DTX1: variants seen among roughly 807,000 people sequenced by gnomAD.
The protein encoded by DTX1 is E3 ubiquitin-protein ligase DTX1.
DTX1 carries 26 observed loss-of-function variants against 57.8 expected under a neutral mutation model. The ratio of observed to expected loss-of-function variants is 0.45; its 90% confidence interval spans 0.33 to 0.62. The LOEUF (loss-of-function observed/expected upper bound fraction) is 0.62, where lower values mean the gene tolerates loss of function less well. Among genes scored for constraint, DTX1 ranks in the 20% least tolerant of loss-of-function variants. The pLI is 0.02. For synonymous variants in DTX1, 398 were observed against 394.1 expected (o/e 1.01, Z -0.12); for missense variants, 704 against 895.3 (o/e 0.79, Z 2.73).
intron 9 of DTX1, 149 bp downstream of exon 9, chr12:113,095,563 C>G: frequency 1.1e-6 from 1 of 915,970 alleles, no homozygotes. Context: ...CCACAGCCAC[C>G]TCCTTCACAC....
chr12:113,094,265 CATTT>C lies in DTX1; in HGVS notation c.1227+169_1227+172del, dbSNP rs373819348. 2.9e-4 allele frequency among the ~76,000 whole-genome samples: 44 copies of C among 152,326 alleles called. No homozygotes were observed. In the East Asian group the frequency reaches 6.4e-3, roughly 22 times the overall value. ...GAAATACTTACGTTTAATAGACTCA[CATTT>C]ATCCATCTTTTGATGATTGAGTTTT... On this transcript the variant is annotated intron_variant, in intron 6 of 9. Transcript: ENST00000548759.
intron 3 of DTX1, among the ~76,000 whole-genome samples, chr12:113,090,904 G>A (rs901956687): frequency 2.0e-5 from 3 of 152,334 alleles, no homozygotes; most frequent in South Asian, 2.1e-4. Context: ...ATGTGTCCTC[G>A]TGTGCAGTGA....
At chr12:113,088,844 TG>T (rs557995227) in intron 3 of DTX1, among the ~76,000 whole-genome samples, 17 of 148,540 alleles carry the variant, frequency 1.1e-4, no homozygotes, top group African/African-American at 3.7e-4. Context: ...AAAGTTTTGT[TG>T]TTGTTGTTGT....
At chr12:113,094,169 C>G in intron 6 of DTX1, 70 bp downstream of exon 6, 1 of 1,409,080 alleles carries the variant, frequency 7.1e-7, no homozygotes. Flanking sequence ...ACCCCTCCTC[C>G]TGGGTTCTGG....
At chr12:113,070,147 C>T (rs2044729462) in intron 2 of DTX1, among the ~76,000 whole-genome samples, 1 of 152,172 alleles carries the variant, frequency 6.6e-6, no homozygotes, top group Non-Finnish European at 1.5e-5. Context: ...CAATAACACC[C>T]CCACCTCCTA....
At chr12:113,092,156 G>T (rs1385947050) in intron 3 of DTX1, among the ~76,000 whole-genome samples, 1 of 152,178 alleles carries the variant, frequency 6.6e-6, no homozygotes, top group Non-Finnish European at 1.5e-5. Flanking sequence ...AAGATGGAGA[G>T]AAGTTACACC....
rs1288626036 is a variant in DTX1, at chr12:113,057,626, C to G, written c.-567C>G. 1.9e-5 allele frequency: 3 copies of G among 154,536 alleles called. No individual in the cohort carries two copies. The highest frequency in any genetic ancestry group is 7.2e-5 in the African/African-American group (3 of 41,582). 9.6% of individuals were successfully genotyped at this position (154,536 alleles called of 1,614,324 possible). Reference sequence around the variant, plus strand: ...CTTCCAGGACACCGTGGAGAGGGAACAAGGGGGCAGGGACGCCCCCTTCGG... The same window carrying G: ...CTTCCAGGACACCGTGGAGAGGGAAGAAGGGGGCAGGGACGCCCCCTTCGG... On this transcript the variant is annotated 5_prime_UTR_variant, in exon 2 of 10. Coordinates refer to ENST00000548759, the MANE Select transcript of DTX1 (RefSeq NM_004416.3).
Position 113,058,010 on chromosome 12 carries a change from G to A in DTX1, c.-183G>A. The A allele has an allele frequency of 1.0e-6, 1 of 960,976 alleles. No homozygotes were observed. The highest frequency in any genetic ancestry group is 1.5e-6 in the Non-Finnish European group (1 of 668,716). The allele number at this position is 960,976 out of a possible 1,614,324, so 59.5% of individuals were successfully genotyped here. ...ACAGGGAAGGGGTCTTTGCAGCCTG[G>A]ATGGCCATCCCACATTCCTTTAACG... On this transcript the variant is annotated 5_prime_UTR_variant, in exon 2 of 10. Coordinates refer to ENST00000548759, the MANE Select transcript of DTX1 (RefSeq NM_004416.3).
At position 113,093,500 on chromosome 12, in the gene DTX1, A is replaced by G. The variant is rs1674095; in HGVS notation, c.1004-39A>G. 49 of 1,513,516 alleles carry G rather than the reference A, an allele frequency of 3.2e-5. No homozygotes were observed. The highest frequency in any genetic ancestry group is 1.2e-4 in the South Asian group (10 of 80,502). The allele number at this position is 1,513,516 out of a possible 1,614,324, so 93.8% of individuals were successfully genotyped here. A position where few individuals can be genotyped will look rare whatever the true frequency, so the allele number is the denominator to read the frequency against. ...CCAGTGGTCGGGGGTTTGGGCGGGG[A>G]TGGCGCCCCGCCCTGTGACTGCGCC... On this transcript the variant is annotated intron_variant, in intron 4 of 9. Transcript: ENST00000548759. The surrounding 1 kb of genome is among the most constrained non-coding windows in gnomAD (Gnocchi z 4.2).
At chr12:113,094,003 G>T in intron 5 of DTX1, 35 bp from the exon 6 acceptor site, 1 of 1,562,764 alleles carries the variant, frequency 6.4e-7, no homozygotes, top group Non-Finnish European at 8.7e-7. Context: ...ACAGACTCTG[G>T]GTACCCTCAA....
intron 2 of DTX1, among the ~76,000 whole-genome samples, chr12:113,073,210 T>A (rs918451086): frequency 6.6e-6 from 1 of 152,136 alleles, no homozygotes; most frequent in Admixed American, 6.5e-5. Context: ...TTCAGGCACA[T>A]CAGCCTTGAA....
chr12:113,079,855 G>A (rs192566979), intron 3 of DTX1, among the ~76,000 whole-genome samples: 2 of 151,992 alleles, frequency 1.3e-5, no homozygotes, highest in East Asian at 1.9e-4. Context: ...CACCATGCCC[G>A]GCCCCCTTCT....
In DTX1 at chr12:113,077,472, C is replaced by T. The variant is rs2136058936; in HGVS notation, c.308C>T (p.Pro103Leu). Residue 103 changes from proline to leucine, a missense_variant, in exon 3 of 10, where the codon CCG (proline) becomes CTG (leucine). Pro to Leu is a moderately conservative substitution (Grantham distance 98, BLOSUM62 -3). Around this residue, in one of 3 missense-constraint regions of DTX1, gnomAD observed 237 missense variants for 328.6 expected, o/e 0.72. Coordinates refer to ENST00000548759, the MANE Select transcript of DTX1 (RefSeq NM_004416.3). This position sits in a 1 kb window ranked among gnomAD's most constrained non-coding sequence, Gnocchi z 7.8. Reference protein sequence around the residue: ...RRNFYDPSSAPGKGIVWEWEN... With the variant: ...RRNFYDPSSALGKGIVWEWEN... Reference sequence around the variant, plus strand: ...AACTTCTACGACCCGTCGTCGGCGCCGGGCAAGGGCATCGTGTGGGAGTGG... The same window carrying T: ...AACTTCTACGACCCGTCGTCGGCGCTGGGCAAGGGCATCGTGTGGGAGTGG... The T allele has an allele frequency of 6.2e-7, 1 of 1,612,494 alleles. No individual in the cohort carries two copies. Among genetic ancestry groups the T allele is most frequent in the Non-Finnish European group, 8.5e-7 (1 of 1,179,824 alleles).
intron 2 of DTX1, among the ~76,000 whole-genome samples, chr12:113,066,021 G>GCCAGTCCCCAGGACAGCT (rs2044701293): frequency 6.6e-6 from 1 of 152,174 alleles, no homozygotes; most frequent in Admixed American, 6.5e-5. Flanking sequence ...ACCGGTGGTA[G>GCCAGTCCCCAGGACAGCT]CCAGTCCCCA....
chr12:113,083,335 C>CT lies in DTX1; in HGVS notation c.941+5240dup, dbSNP rs568195887. 4.1e-4 allele frequency among the ~76,000 whole-genome samples: 62 copies of CT among 149,910 alleles called. 1 individual carries two copies. Among genetic ancestry groups the CT allele is most frequent in the Non-Finnish European group, 4.0e-4 (27 of 67,220 alleles). On this transcript the variant is annotated intron_variant, in intron 3 of 9. Coordinates refer to ENST00000548759, the MANE Select transcript of DTX1 (RefSeq NM_004416.3). ...TCTCTCCTTTTATAATTTACCAATACTTTTTTTTTTGAGACCGTCTTGCTC... is the reference window on the plus strand; with the variant it reads ...TCTCTCCTTTTATAATTTACCAATACTTTTTTTTTTTGAGACCGTCTTGCTC...
chr12:113,063,211 TG>T (rs1466455946), intron 2 of DTX1, among the ~76,000 whole-genome samples: 1 of 152,212 alleles, frequency 6.6e-6, no homozygotes, highest in Admixed American at 6.5e-5. Context: ...GTGGCTGGGC[TG>T]GGCCCAGGAG....
chr12:113,080,773 C>CAAG (rs1392572373), intron 3 of DTX1, among the ~76,000 whole-genome samples: 10 of 151,998 alleles, frequency 6.6e-5, no homozygotes, highest in Non-Finnish European at 1.0e-4. Flanking sequence ...TCCAGGAGTT[C>CAAG]AAGACTAGCC....
At chr12:113,073,391 A>G (rs939129610) in intron 2 of DTX1, among the ~76,000 whole-genome samples, 7 of 152,206 alleles carry the variant, frequency 4.6e-5, no homozygotes, top group African/African-American at 1.7e-4. Context: ...ATCAATCTGC[A>G]CACACTCAAT....
rs1169161565 is a variant in DTX1 at position 113,093,678 on chromosome 12, CAAG to C, written c.1150_1152del (p.Lys384del). On this transcript the variant is annotated inframe_deletion, in exon 5 of 10. Coordinates refer to ENST00000548759, the MANE Select transcript of DTX1 (RefSeq NM_004416.3). This position sits in a 1 kb window ranked among gnomAD's most constrained non-coding sequence, Gnocchi z 4.2. ...GCGTGCCCGGGGTGTGCCGCAAGAC[CAAG>C]AAGAAGCACCTTAAAAAGAGTACGC... The C allele has an allele frequency of 6.2e-6, 10 of 1,613,774 alleles. No individual in the cohort carries two copies. Among genetic ancestry groups the C allele is most frequent in the South Asian group, 3.3e-5 (3 of 91,060 alleles).
Sources: allele counts gnomAD v4.1 joint callset (sites outside exome capture counted in the v4.1 genomes callset), GRCh38; gene constraint gnomAD v4.1.1; regional missense constraint gnomAD v4.1.1; non-coding constraint Gnocchi (gnomAD v3.1); transcripts MANE v1.5; gene names NCBI Gene and HGNC (gene_info 2026-07-23, HGNC 2026-07-21).